The following PHACTR1 variants were observed in gnomAD, a reference collection of about 807,000 sequenced individuals.
The protein encoded by PHACTR1 is phosphatase and actin regulator 1.
In PHACTR1, 16 loss-of-function variants were observed where a neutral mutation model predicts 69.2. That is an observed-to-expected ratio of 0.23 (90% CI 0.16 to 0.35). PHACTR1 has a LOEUF of 0.35. Ranked by LOEUF, PHACTR1 falls within the 10% of genes least tolerant of loss-of-function variation. The pLI, the probability that PHACTR1 is intolerant of heterozygous loss-of-function variation, is 1.00. For missense variants in PHACTR1, 510 were observed against 734.7 expected (o/e 0.69, Z 3.54); for synonymous variants, 312 against 284.5 (o/e 1.10, Z -0.97).
chr6:12,792,102 A>ATG (rs779034934), intron 4 of PHACTR1, among the ~76,000 whole-genome samples: 17 of 152,188 alleles, frequency 1.1e-4, no homozygotes, highest in Admixed American at 2.6e-4. Flanking sequence ...ACATAAGCAT[A>ATG]TGTGTGTGTG....
intron 5 of PHACTR1, among the ~76,000 whole-genome samples, chr6:13,102,285 T>G (rs1212989375): frequency 6.6e-6 from 1 of 152,152 alleles, no homozygotes; most frequent in Non-Finnish European, 1.5e-5. Context: ...AATTCAACAT[T>G]GACCAAGTTG....
intron 4 of PHACTR1, among the ~76,000 whole-genome samples, chr6:12,803,473 A>AGG (rs1293508243): frequency 2.0e-5 from 3 of 152,216 alleles, no homozygotes; most frequent in Non-Finnish European, 2.9e-5. Flanking sequence ...GAGGAAATTA[A>AGG]GGGTCACAAA....
At chr6:13,161,144 C>T (rs1758936835) in intron 6 of PHACTR1, among the ~76,000 whole-genome samples, 1 of 151,934 alleles carries the variant, frequency 6.6e-6, no homozygotes, top group Non-Finnish European at 1.5e-5. Context: ...CACACCTGGC[C>T]AATTTTTGTA....
intron 4 of PHACTR1, among the ~76,000 whole-genome samples, chr6:13,031,544 A>G (rs1289790868): frequency 6.6e-6 from 1 of 152,214 alleles, no homozygotes; most frequent in Non-Finnish European, 1.5e-5. Context: ...TTCTTCTCAT[A>G]TGAAAGCATG....
At chr6:12,861,064 T>C (rs1780890233) in intron 4 of PHACTR1, among the ~76,000 whole-genome samples, 1 of 152,220 alleles carries the variant, frequency 6.6e-6, no homozygotes, top group African/African-American at 2.4e-5. Flanking sequence ...ACACACAGTT[T>C]TTGATGTGTT....
chr6:12,982,402 C>T (rs755904699), intron 4 of PHACTR1, among the ~76,000 whole-genome samples: 32 of 152,308 alleles, frequency 2.1e-4, no homozygotes, highest in Non-Finnish European at 3.1e-4. Context: ...ACCTATCAGC[C>T]GGGCATGGTG....
rs1303326932 is a variant in PHACTR1, at chr6:13,139,533, A to G, written c.416-20671A>G. ...CTCATATTGTACCTTTGTATTCCCA[A>G]AAAACTTTCATTTGAGGAACTGAAC... On this transcript the variant is annotated intron_variant, in intron 5 of 14. Coordinates refer to ENST00000332995, the MANE Select transcript of PHACTR1 (RefSeq NM_030948.6). 8.5e-5 allele frequency among the ~76,000 whole-genome samples: 13 copies of G among 152,312 alleles called. No homozygotes were observed. In the East Asian group the frequency reaches 2.1e-3, roughly 25 times the overall value.
chr6:13,056,855 C>T (rs538767495), intron 5 of PHACTR1, among the ~76,000 whole-genome samples: 1 of 152,270 alleles, frequency 6.6e-6, no homozygotes, highest in South Asian at 2.1e-4. Flanking sequence ...ACTGAGGAAC[C>T]TAATGATTAG....
At chr6:12,879,432 T>A (rs1782859052) in intron 4 of PHACTR1, among the ~76,000 whole-genome samples, 1 of 152,168 alleles carries the variant, frequency 6.6e-6, no homozygotes, top group Non-Finnish European at 1.5e-5. Context: ...GGAGACCCCT[T>A]GGCTTTTTTT....
chr6:12,917,022 A>G (rs900838454), intron 4 of PHACTR1, among the ~76,000 whole-genome samples: 1 of 152,172 alleles, frequency 6.6e-6, no homozygotes, highest in Non-Finnish European at 1.5e-5. Context: ...GAAGGATACT[A>G]TTACCTTTTT....
intron 7 of PHACTR1, among the ~76,000 whole-genome samples, chr6:13,195,238 A>G (rs9395526): frequency 0.084 from 12,797 of 152,186 alleles, 1,293 homozygotes; most frequent in East Asian, 0.57. Flanking sequence ...TATACTGCCA[A>G]TAGGCCCTTT....
chr6:13,029,636 T>G (rs1802179963), intron 4 of PHACTR1, among the ~76,000 whole-genome samples: 1 of 152,234 alleles, frequency 6.6e-6, no homozygotes, highest in Admixed American at 6.5e-5. Context: ...AGTACAGTGT[T>G]GAGTTGACAT....
intron 4 of PHACTR1, among the ~76,000 whole-genome samples, chr6:12,980,914 G>T (rs1375959412): frequency 6.6e-6 from 1 of 152,210 alleles, no homozygotes; most frequent in Non-Finnish European, 1.5e-5. Flanking sequence ...AGTATTCATA[G>T]CTCCGCCTAC....
At chr6:12,807,564 T>C (rs1290853561) in intron 4 of PHACTR1, among the ~76,000 whole-genome samples, 1 of 152,200 alleles carries the variant, frequency 6.6e-6, no homozygotes, top group East Asian at 1.9e-4. Flanking sequence ...ATTTCAGATA[T>C]TTTAGTTTGT....
At chr6:13,227,681 A>G (rs1279262920) in intron 8 of PHACTR1, 135 bp from the exon 9 acceptor site, 3 of 1,166,528 alleles carry the variant, frequency 2.6e-6, no homozygotes, top group Non-Finnish European at 3.6e-6. Flanking sequence ...CTGTAAGATG[A>G]GCAATGGAAC....
In PHACTR1 at chr6:13,125,366, AT is replaced by A. The variant is rs550183364; in HGVS notation, c.416-34827del. Among the ~76,000 whole-genome samples the A allele has an allele frequency of 2.8e-3, 412 of 146,166 alleles. 1 individual carries two copies. The highest frequency in any genetic ancestry group is 6.4e-3 in the African/African-American group (257 of 40,256). Reference sequence around the variant, plus strand: ...AATGGTAGTCTTTCTATTGCACTGGATTTTTTTTTTTGTATGTAGCTTGATT... The same window carrying A: ...AATGGTAGTCTTTCTATTGCACTGGATTTTTTTTTTGTATGTAGCTTGATT... On this transcript the variant is annotated intron_variant, in intron 5 of 14. Coordinates refer to ENST00000332995, the MANE Select transcript of PHACTR1 (RefSeq NM_030948.6).
chr6:12,917,818 C>T (rs913011903), intron 4 of PHACTR1, among the ~76,000 whole-genome samples: 5 of 152,052 alleles, frequency 3.3e-5, no homozygotes, highest in Non-Finnish European at 7.4e-5. Flanking sequence ...AGGTGAATAT[C>T]GCCCCTCATG....
At chr6:12,906,331 A>G (rs906806086) in intron 4 of PHACTR1, among the ~76,000 whole-genome samples, 6 of 152,204 alleles carry the variant, frequency 3.9e-5, no homozygotes, top group Non-Finnish European at 5.9e-5. Context: ...CTCATTTCCT[A>G]TGATCATAGA....
chr6:13,016,752 A>G (rs1800235290), intron 4 of PHACTR1, among the ~76,000 whole-genome samples: 1 of 152,156 alleles, frequency 6.6e-6, no homozygotes, highest in African/African-American at 2.4e-5. Context: ...ATGGCCAAAG[A>G]CAGTTTTTGT....
Sources: gnomAD v4.1 joint callset for allele counts (sites outside exome capture counted in the v4.1 genomes callset) on GRCh38, gnomAD v4.1.1 for gene constraint, MANE v1.5 for transcripts, NCBI Gene and HGNC (gene_info 2026-07-23, HGNC 2026-07-21) for gene names.